ARHGAP21: variants seen among roughly 807,000 people sequenced by gnomAD.
ARHGAP21 encodes the protein Rho GTPase activating protein 21, also known as rho GTPase-activating protein 21.
A neutral mutation model predicts 164.6 loss-of-function variants in ARHGAP21; 38 were observed. That is an observed-to-expected ratio of 0.23 (90% CI 0.18 to 0.30). The LOEUF is 0.30. Ranked by LOEUF, ARHGAP21 falls within the 10% of genes least tolerant of loss-of-function variation. ARHGAP21 has a pLI of 1.00. For synonymous variants in ARHGAP21, 766 were observed against 857.9 expected (o/e 0.89, Z 1.87); for missense variants, 1,822 against 2,370.7 (o/e 0.77, Z 4.81).
At chr10:24,689,939 T>TAC (rs1842606699) in intron 2 of ARHGAP21, among the ~76,000 whole-genome samples, 1 of 36,362 alleles carries the variant, frequency 2.8e-5, no homozygotes, top group South Asian at 6.1e-4. Flanking sequence ...TATATGTATA[T>TAC]ATGTATATGT....
chr10:24,597,470 G>A lies in ARHGAP21; in HGVS notation c.3311C>T (p.Ser1104Leu), dbSNP rs201980548. The A allele has an allele frequency of 2.9e-5, 47 of 1,613,446 alleles. No homozygotes were observed. The highest frequency in any genetic ancestry group is 1.7e-4 in the Middle Eastern group (1 of 6,058). ...TQSPHSPKEESERKLLSKDDT... is the reference protein window; with the variant it reads ...TQSPHSPKEELERKLLSKDDT... ...ACCTTTACTGAGAAGTTTCCTTTCC[G>A]ACTCTTCCTTCGGAGAGTGTGGGCT... Residue 1104 changes from serine to leucine, a missense_variant, in exon 16 of 26, where the codon TCG (serine) becomes TTG (leucine). This residue lies in a region of ARHGAP21 where 1,090 missense variants were observed against 1,378.9 expected (regional missense o/e 0.79). Transcript: ENST00000396432.
At chr10:24,588,630 T>C (rs999301956) in intron 25 of ARHGAP21, among the ~76,000 whole-genome samples, 6 of 152,222 alleles carry the variant, frequency 3.9e-5, no homozygotes, top group Admixed American at 3.9e-4. Flanking sequence ...CAGTTGCTAC[T>C]GCCTCAACAG....
In ARHGAP21 at chr10:24,721,963, G is replaced by A; in HGVS notation, c.-64C>T. The A allele has an allele frequency of 6.5e-7, 1 of 1,540,030 alleles. No homozygotes were observed. The highest frequency in any genetic ancestry group is 8.9e-7 in the Non-Finnish European group (1 of 1,117,680). On this transcript the variant is annotated 5_prime_UTR_variant, in exon 2 of 26. Coordinates refer to ENST00000396432, the MANE Select transcript of ARHGAP21 (RefSeq NM_020824.4). ...GTCCACATTGGACGTGGCGGGGAAT[G>A]CCACCACACACCCGAAGGGGAAGAA... is the stretch of plus-strand genomic sequence containing the variant.
chr10:24,621,054 C>T lies in ARHGAP21; in HGVS notation c.841G>A (p.Val281Ile), dbSNP rs767349793. 8 of 1,613,826 alleles carry T rather than the reference C, an allele frequency of 5.0e-6. No homozygotes were observed. The highest frequency in any genetic ancestry group is 6.8e-6 in the Non-Finnish European group (8 of 1,179,838). ...TTTCTATTGGATAACAAATCTACAA[C>T]CTTCTCAGAAGGCACAATGACAGTC... is the stretch of plus-strand genomic sequence containing the variant. ...VRTVIVPSEK[V>I]VDLLSNRNNH... Residue 281 changes from valine (V) to isoleucine (I), a missense_variant, in exon 9 of 26, where the codon GTT becomes ATT. Around this residue, in one of 5 missense-constraint regions of ARHGAP21, gnomAD observed 1,090 missense variants for 1,378.9 expected, o/e 0.79. Transcript: ENST00000396432.
At chr10:24,711,647 G>A (rs1468513990) in intron 2 of ARHGAP21, among the ~76,000 whole-genome samples, 1 of 152,044 alleles carries the variant, frequency 6.6e-6, no homozygotes, top group Non-Finnish European at 1.5e-5. Flanking sequence ...AAAAACACGT[G>A]GGCAATATTT....
chr10:24,616,109 G>A (rs972269641), intron 9 of ARHGAP21, among the ~76,000 whole-genome samples: 1 of 151,854 alleles, frequency 6.6e-6, no homozygotes, highest in Non-Finnish European at 1.5e-5. Context: ...ACCTCACATC[G>A]TTACTCAAAT....
intron 2 of ARHGAP21, among the ~76,000 whole-genome samples, chr10:24,695,708 A>G (rs1232915381): frequency 2.6e-5 from 4 of 152,044 alleles, no homozygotes; most frequent in South Asian, 2.1e-4. Context: ...CAGCTGCCCT[A>G]TTGTTAGCTG....
chr10:24,608,205 T>C (rs2077112550), intron 9 of ARHGAP21, among the ~76,000 whole-genome samples: 2 of 152,166 alleles, frequency 1.3e-5, no homozygotes, highest in African/African-American at 4.8e-5. Context: ...CCTAAACCCA[T>C]CAAACCAGAG....
At chr10:24,677,477 T>G (rs1412526601) in intron 2 of ARHGAP21, among the ~76,000 whole-genome samples, 2 of 152,206 alleles carry the variant, frequency 1.3e-5, no homozygotes, top group Admixed American at 6.5e-5. Context: ...TTCCTCCCTA[T>G]TCTTAGCTAT....
intron 2 of ARHGAP21, among the ~76,000 whole-genome samples, chr10:24,673,058 TAGAG>T (rs1379801644): frequency 1.3e-5 from 2 of 152,088 alleles, no homozygotes; most frequent in East Asian, 3.8e-4. Context: ...AAAGAATAAA[TAGAG>T]AGATATACCA....
At chr10:24,648,298 T>G (rs1837788316) in intron 4 of ARHGAP21, among the ~76,000 whole-genome samples, 1 of 152,208 alleles carries the variant, frequency 6.6e-6, no homozygotes, top group Admixed American at 6.5e-5. Context: ...GTCTCCAAAA[T>G]ATGAGTAGAA....
At position 24,606,115 on chromosome 10, in the gene ARHGAP21, AT is replaced by A. The variant is rs533174479; in HGVS notation, c.2684+1383del. Among the ~76,000 whole-genome samples the A allele has an allele frequency of 3.4e-3, 517 of 152,310 alleles. 5 individuals are homozygous for A. Among genetic ancestry groups the A allele is most frequent in the African/African-American group, 0.012 (497 of 41,580 alleles). ...CAGATGAGTCAAAGTTTACAAAAAA[AT>A]AAAAAGTAAACATAAATTTTGTTAT... On this transcript the variant is annotated intron_variant, in intron 11 of 25. Coordinates refer to ENST00000396432, the MANE Select transcript of ARHGAP21 (RefSeq NM_020824.4).
intron 7 of ARHGAP21, among the ~76,000 whole-genome samples, chr10:24,623,232 A>G (rs943350415): frequency 6.6e-6 from 1 of 152,214 alleles, no homozygotes; most frequent in Non-Finnish European, 1.5e-5. Context: ...AGCTGTCAGC[A>G]GACTGCAGCT....
chr10:24,682,698 T>C (rs72784294), intron 2 of ARHGAP21, among the ~76,000 whole-genome samples: 1,941 of 148,866 alleles, frequency 0.013, 7 homozygotes, highest in Admixed American at 0.025. Flanking sequence ...TTCTTTCTCT[T>C]TTTTTTTTTG....
At chr10:24,686,641 C>CAT (rs1437707309) in intron 2 of ARHGAP21, among the ~76,000 whole-genome samples, 1 of 152,076 alleles carries the variant, frequency 6.6e-6, no homozygotes, top group African/African-American at 2.4e-5. Context: ...ATTTTAATCA[C>CAT]ATACACACTT....
intron 9 of ARHGAP21, among the ~76,000 whole-genome samples, chr10:24,609,651 G>GGGCCGGGCGCGGTGGCTC (rs2077170662): frequency 6.6e-6 from 1 of 152,064 alleles, no homozygotes; most frequent in African/African-American, 2.4e-5. Context: ...AAAATATAAA[G>GGGCCGGGCGCGGTGGCTC]ACTTTTCTAC....
intron 12 of ARHGAP21, among the ~76,000 whole-genome samples, chr10:24,602,827 T>C (rs1288648216): frequency 6.6e-6 from 1 of 152,044 alleles, no homozygotes; most frequent in East Asian, 1.9e-4. Context: ...TTAAGTAGTA[T>C]AGGTGAAGAC....
chr10:24,680,424 A>C (rs1472359754), intron 2 of ARHGAP21, among the ~76,000 whole-genome samples: 5 of 152,328 alleles, frequency 3.3e-5, no homozygotes, highest in South Asian at 4.1e-4. Flanking sequence ...AAAATCATAT[A>C]GGTAACTCTT....
intron 4 of ARHGAP21, among the ~76,000 whole-genome samples, chr10:24,655,526 A>C (rs1838723685): frequency 6.6e-6 from 1 of 152,262 alleles, no homozygotes; most frequent in Non-Finnish European, 1.5e-5. Flanking sequence ...AAAAATGCTC[A>C]TCATCGCGGC....
Sources: gnomAD v4.1 joint callset for allele counts (sites outside exome capture counted in the v4.1 genomes callset) on GRCh38, gnomAD v4.1.1 for gene constraint, gnomAD v4.1.1 regional missense constraint, MANE v1.5 for transcripts, NCBI Gene and HGNC (gene_info 2026-07-23, HGNC 2026-07-21) for gene names.